CERS6: variants seen among roughly 807,000 people sequenced by gnomAD.
The protein encoded by CERS6 is LAG1 homolog, ceramide synthase 6.
Under a neutral mutation model 56.8 loss-of-function variants are expected in CERS6, and 26 were observed. That is an observed-to-expected ratio of 0.46 (90% CI 0.34 to 0.63). The LOEUF is 0.63. Ranked by LOEUF, CERS6 falls within the 30% of genes least tolerant of loss-of-function variation. The pLI is 0.01. For synonymous variants in CERS6, 164 were observed against 173.3 expected (o/e 0.95, Z 0.42); for missense variants, 415 against 467.5 (o/e 0.89, Z 1.04).
intron 8 of CERS6, among the ~76,000 whole-genome samples, chr2:168,730,113 G>A (rs1683479178): frequency 1.3e-5 from 2 of 152,214 alleles, no homozygotes; most frequent in Admixed American, 1.3e-4. Flanking sequence ...AGTCGAAGAA[G>A]ACAGACAAGA....
chr2:168,530,691 C>G (rs10167966), intron 1 of CERS6, among the ~76,000 whole-genome samples: 5 of 151,976 alleles, frequency 3.3e-5, no homozygotes, highest in African/African-American at 1.2e-4. Context: ...GTACTTTTTC[C>G]TAGAATCCTG....
At chr2:168,694,693 G>T (rs2105365230) in intron 5 of CERS6, among the ~76,000 whole-genome samples, 1 of 152,270 alleles carries the variant, frequency 6.6e-6, no homozygotes, top group African/African-American at 2.4e-5. Context: ...CATAAATGCT[G>T]TTGTTAAACT....
At chr2:168,670,546 T>G (rs1490446470) in intron 4 of CERS6, among the ~76,000 whole-genome samples, 2 of 152,250 alleles carry the variant, frequency 1.3e-5, no homozygotes, top group Non-Finnish European at 2.9e-5. Flanking sequence ...TCTTCTCTTA[T>G]TCATGCCTTC....
chr2:168,733,086 A>G (rs1159366422), intron 8 of CERS6, among the ~76,000 whole-genome samples: 1 of 152,206 alleles, frequency 6.6e-6, no homozygotes, highest in Admixed American at 6.5e-5. Context: ...ATGTGGAGAT[A>G]TTGTCACTTG....
At chr2:168,697,405 A>G (rs1686680333) in intron 6 of CERS6, among the ~76,000 whole-genome samples, 1 of 152,136 alleles carries the variant, frequency 6.6e-6, no homozygotes, top group African/African-American at 2.4e-5. Context: ...TTCTTTGGTC[A>G]TGTAGTGTCA....
intron 8 of CERS6, among the ~76,000 whole-genome samples, chr2:168,730,662 T>C (rs1036503507): frequency 6.6e-6 from 1 of 152,148 alleles, no homozygotes; most frequent in African/African-American, 2.4e-5. Context: ...CGTAACAAGC[T>C]CCATGTCTCT....
At chr2:168,529,403 C>T (rs1695126127) in intron 1 of CERS6, among the ~76,000 whole-genome samples, 1 of 152,026 alleles carries the variant, frequency 6.6e-6, no homozygotes, top group Admixed American at 6.6e-5. Context: ...ATCAGTAATC[C>T]ACCAGAAAAA....
intron 4 of CERS6, among the ~76,000 whole-genome samples, chr2:168,659,484 G>T (rs1307479979): frequency 6.6e-6 from 1 of 152,060 alleles, no homozygotes; most frequent in Non-Finnish European, 1.5e-5. Context: ...TTGTTCATCA[G>T]ATTACTTTTT....
intron 8 of CERS6, among the ~76,000 whole-genome samples, chr2:168,735,303 AAGTT>A (rs1683676909): frequency 1.3e-5 from 2 of 152,186 alleles, no homozygotes; most frequent in African/African-American, 2.4e-5. Flanking sequence ...AAAAAAAAAA[AAGTT>A]AATAAGCAAC....
At chr2:168,649,059 A>T (rs1031391273) in intron 4 of CERS6, among the ~76,000 whole-genome samples, 18 of 151,952 alleles carry the variant, frequency 1.2e-4, no homozygotes, top group Admixed American at 2.0e-4. Context: ...AATAATTTTA[A>T]ATATACTTTA....
intron 4 of CERS6, among the ~76,000 whole-genome samples, chr2:168,638,582 T>C (rs1309558941): frequency 6.6e-6 from 1 of 152,224 alleles, no homozygotes; most frequent in East Asian, 1.9e-4. Flanking sequence ...AAATATACTT[T>C]GACATTGTCC....
At chr2:168,580,368 T>C (rs956163597) in intron 3 of CERS6, among the ~76,000 whole-genome samples, 7 of 152,190 alleles carry the variant, frequency 4.6e-5, no homozygotes, top group African/African-American at 1.7e-4. Flanking sequence ...TTTTTAGTTA[T>C]TTTGGTGGTT....
intron 1 of CERS6, among the ~76,000 whole-genome samples, chr2:168,498,644 T>C (rs777957838): frequency 2.0e-5 from 3 of 152,224 alleles, no homozygotes; most frequent in Non-Finnish European, 4.4e-5. Flanking sequence ...AGGCTCTTTA[T>C]ATCAAAAGAT....
chr2:168,663,395 T>TA (rs1054011885), intron 4 of CERS6, among the ~76,000 whole-genome samples: 2 of 152,078 alleles, frequency 1.3e-5, no homozygotes, highest in South Asian at 2.1e-4. Context: ...ATGCAGAATT[T>TA]AAAAAAACTA....
intron 1 of CERS6, among the ~76,000 whole-genome samples, chr2:168,463,554 T>A (rs1457913687): frequency 6.6e-6 from 1 of 152,218 alleles, no homozygotes; most frequent in Admixed American, 6.5e-5. Flanking sequence ...GCCAAATTGT[T>A]GTCCAGAAAG....
chr2:168,641,116 A>C (rs1574121426), intron 4 of CERS6, among the ~76,000 whole-genome samples: 1 of 151,986 alleles, frequency 6.6e-6, no homozygotes, highest in Non-Finnish European at 1.5e-5. Flanking sequence ...TGATGTCACT[A>C]TTCCTTCATT....
intron 3 of CERS6, among the ~76,000 whole-genome samples, chr2:168,562,833 G>A (rs765234639): frequency 1.3e-5 from 2 of 152,192 alleles, no homozygotes; most frequent in African/African-American, 4.8e-5. Flanking sequence ...GGCAGTTTAT[G>A]GGAGAAGGAT....
chr2:168,542,349 CA>C (rs372904980), intron 1 of CERS6, among the ~76,000 whole-genome samples: 18 of 152,170 alleles, frequency 1.2e-4, no homozygotes, highest in African/African-American at 4.3e-4. Context: ...AGTATGGTAT[CA>C]GAACCAGGCT....
chr2:168,475,826 T>C (rs1191872978), intron 1 of CERS6, among the ~76,000 whole-genome samples: 1 of 152,156 alleles, frequency 6.6e-6, no homozygotes, highest in Non-Finnish European at 1.5e-5. Flanking sequence ...AGTGTGGTAG[T>C]GTTTGTGTTC....
Sources: allele counts gnomAD v4.1 joint callset (sites outside exome capture counted in the v4.1 genomes callset), GRCh38; gene constraint gnomAD v4.1.1; transcripts MANE v1.5; gene names NCBI Gene and HGNC (gene_info 2026-07-23, HGNC 2026-07-21).